The following MCC variants were observed in gnomAD, a reference collection of about 807,000 sequenced individuals.
MCC encodes the protein colorectal mutant cancer protein.
Under a neutral mutation model 116.2 loss-of-function variants are expected in MCC, and 90 were observed. The ratio of observed to expected loss-of-function variants is 0.77; its 90% CI spans 0.65 to 0.92. The LOEUF (loss-of-function observed/expected upper bound fraction) is 0.92. Ranked by LOEUF, MCC falls within the 40% of genes least tolerant of loss-of-function variation. The pLI is 0.00. For missense variants in MCC, 1,516 were observed against 1,312.2 expected, an observed-to-expected ratio of 1.16 and a Z score of -2.40; for synonymous variants, 578 against 510.5, an observed-to-expected ratio of 1.13 and a Z score of -1.78.
chr5:113,129,687 C>G (rs547715162), intron 5 of MCC, among the ~76,000 whole-genome samples: 1 of 152,334 alleles, frequency 6.6e-6, no homozygotes, highest in African/African-American at 2.4e-5. Context: ...TATGAACAGA[C>G]ACTTTTCAAA....
intron 1 of MCC, among the ~76,000 whole-genome samples, chr5:113,475,431 C>T (rs1663981534): frequency 1.3e-5 from 2 of 152,246 alleles, no homozygotes; most frequent in East Asian, 1.9e-4. Flanking sequence ...AGTAATAGGT[C>T]CAAAGAGTCC....
At chr5:113,129,038 G>A (rs1758266585) in intron 5 of MCC, among the ~76,000 whole-genome samples, 1 of 152,186 alleles carries the variant, frequency 6.6e-6, no homozygotes, top group Non-Finnish European at 1.5e-5. Flanking sequence ...ACAGTAGATA[G>A]AGACTCTGGG....
chr5:113,027,293 G>A lies in MCC; in HGVS notation c.*9C>T, dbSNP rs1355827889. The A allele has an allele frequency of 1.2e-6, 2 of 1,613,776 alleles. No homozygotes were observed. The highest frequency in any genetic ancestry group is 2.7e-5 in the African/African-American group (2 of 74,932). On this transcript the variant is annotated 3_prime_UTR_variant, in exon 19 of 19. Transcript: ENST00000408903. ...TCCCATGGGCAGAACTCCGGTGCGT[G>A]AGTGCTGATTAAAGCGAAGTTTCAT...
chr5:113,254,026 C>T (rs1038223465), intron 3 of MCC, among the ~76,000 whole-genome samples: 2 of 152,080 alleles, frequency 1.3e-5, no homozygotes, highest in Admixed American at 6.6e-5. Context: ...ATTGGAAGAG[C>T]CCACAGGTGC....
intron 3 of MCC, among the ~76,000 whole-genome samples, chr5:113,227,435 A>T (rs943353167): frequency 3.9e-5 from 6 of 152,254 alleles, no homozygotes. Context: ...TTCCTGAAGT[A>T]GACCATAATT....
intron 4 of MCC, 21 bp from the exon 5 acceptor site, chr5:113,143,381 C>T (rs2150286011): frequency 1.9e-6 from 3 of 1,613,172 alleles, no homozygotes; most frequent in South Asian, 1.1e-5. Context: ...GGGAAAAGGA[C>T]AGAAGTGCTG....
At chr5:113,417,046 T>C (rs1325055242) in intron 1 of MCC, among the ~76,000 whole-genome samples, 1 of 147,630 alleles carries the variant, frequency 6.8e-6, no homozygotes, top group South Asian at 2.2e-4. Flanking sequence ...CTCGGCTCAC[T>C]GCAACCTATT....
intron 3 of MCC, among the ~76,000 whole-genome samples, chr5:113,314,669 C>T (rs1443755726): frequency 6.6e-6 from 1 of 152,180 alleles, no homozygotes; most frequent in Non-Finnish European, 1.5e-5. Context: ...CCTACTGCAA[C>T]CTCTGCCTCC....
chr5:113,243,018 C>T (rs1351577887), intron 3 of MCC, among the ~76,000 whole-genome samples: 1 of 152,174 alleles, frequency 6.6e-6, no homozygotes, highest in African/African-American at 2.4e-5. Flanking sequence ...GAACTACTTA[C>T]TTTAAAAAGT....
At chr5:113,170,462 G>C (rs1761013899) in intron 3 of MCC, among the ~76,000 whole-genome samples, 2 of 152,048 alleles carry the variant, frequency 1.3e-5, no homozygotes, top group Non-Finnish European at 1.5e-5. Flanking sequence ...TATTTCTGTG[G>C]CGTCATTAAA....
Position 113,079,698 on chromosome 5 carries a change from A to T in MCC, c.1784+3162T>A, listed in dbSNP as rs796091228. 5.6e-4 allele frequency among the ~76,000 whole-genome samples: 86 copies of T among 152,380 alleles called. 1 individual carries two copies. In the South Asian group the frequency reaches 0.014, roughly 25 times the overall value. ...ATTTAAATGTTAGACCTAAAACCGT[A>T]AAACCTCTAGAAGAAAACCTAGGCA... On this transcript the variant is annotated intron_variant, in intron 11 of 18. Transcript: ENST00000408903.
intron 8 of MCC, among the ~76,000 whole-genome samples, chr5:113,087,767 C>A: frequency 8.0e-6 from 1 of 125,582 alleles, no homozygotes. Context: ...CTGGCCTACT[C>A]ATCTTTTTTT....
At chr5:113,427,965 C>A (rs1473300186) in intron 1 of MCC, among the ~76,000 whole-genome samples, 1 of 152,144 alleles carries the variant, frequency 6.6e-6, no homozygotes, top group African/African-American at 2.4e-5. Context: ...TCAGTGGAAA[C>A]CAGCTCCTCC....
At chr5:113,296,637 G>T (rs1188156226) in intron 3 of MCC, among the ~76,000 whole-genome samples, 1 of 152,146 alleles carries the variant, frequency 6.6e-6, no homozygotes, top group Non-Finnish European at 1.5e-5. Flanking sequence ...GGTGAGAAAG[G>T]GGGGTTGGTG....
chr5:113,237,727 C>T lies in MCC; in HGVS notation c.628-86305G>A, dbSNP rs905728003. 5.3e-5 allele frequency among the ~76,000 whole-genome samples: 8 copies of T among 152,154 alleles called. No individual in the cohort carries two copies. The South Asian group carries it at 8.3e-4, about 16-fold the overall frequency. On this transcript the variant is annotated intron_variant, in intron 3 of 18. Transcript: ENST00000408903. The stretch of plus-strand genomic sequence containing the variant: ...CTTCCTCATTGATTAGTCTCAGCTC[C>T]GCGATAATTTCTGACTGATTCAGAA...
At chr5:113,043,881 G>C (rs1351388626) in intron 16 of MCC, among the ~76,000 whole-genome samples, 4 of 152,248 alleles carry the variant, frequency 2.6e-5, no homozygotes, top group Non-Finnish European at 5.9e-5. Flanking sequence ...CTGAGCAGCC[G>C]CTGATGCCAG....
At chr5:113,079,771 C>T (rs933360928) in intron 11 of MCC, among the ~76,000 whole-genome samples, 6 of 152,184 alleles carry the variant, frequency 3.9e-5, no homozygotes, top group African/African-American at 1.4e-4. Context: ...GACTAAAACA[C>T]CAAAAGCAAT....
At chr5:113,089,812 A>C (rs1755469764) in intron 8 of MCC, among the ~76,000 whole-genome samples, 2 of 152,218 alleles carry the variant, frequency 1.3e-5, no homozygotes, top group Non-Finnish European at 2.9e-5. Context: ...AAAACAAACA[A>C]AACACCCAAA....
At chr5:113,371,876 G>A (rs1278488521) in intron 2 of MCC, among the ~76,000 whole-genome samples, 1 of 152,154 alleles carries the variant, frequency 6.6e-6, no homozygotes, top group Non-Finnish European at 1.5e-5. Context: ...ATGAACAATG[G>A]ACAATGGAAT....
Sources: allele counts gnomAD v4.1 joint callset (sites outside exome capture counted in the v4.1 genomes callset), GRCh38; gene constraint gnomAD v4.1.1; transcripts MANE v1.5; gene names NCBI Gene and HGNC (gene_info 2026-07-23, HGNC 2026-07-21).